EIF3A: variants seen among roughly 807,000 people sequenced by gnomAD.
EIF3A encodes the protein EIF3, p180 subunit.
In EIF3A, 21 loss-of-function variants were observed where a neutral mutation model predicts 186.6. The observed-to-expected ratio is 0.11, with a 90% CI of 0.08 to 0.16. The LOEUF (loss-of-function observed/expected upper bound fraction) is 0.16. Ranked by LOEUF, EIF3A falls within the 10% of genes least tolerant of loss-of-function variation. The pLI, the probability that EIF3A is intolerant of heterozygous loss-of-function variation, is 1.00. For synonymous variants in EIF3A, 563 were observed against 584.3 expected (o/e 0.96, Z 0.52); for missense variants, 1,306 against 1,796.3 (o/e 0.73, Z 4.93).
chr10:119,049,555 T>C (rs1329055599), intron 17 of EIF3A, among the ~76,000 whole-genome samples: 1 of 146,088 alleles, frequency 6.8e-6, no homozygotes, highest in African/African-American at 2.5e-5. Flanking sequence ...TTTACATAGG[T>C]ATCATGGAAG....
At chr10:119,069,680 T>G in intron 5 of EIF3A, 26 bp from the exon 6 acceptor site, 1 of 1,153,336 alleles carries the variant, frequency 8.7e-7, no homozygotes, top group Non-Finnish European at 1.3e-6. Flanking sequence ...TAAATTAAAG[T>G]CATTGCATTC....
rs61729183 is a variant in EIF3A at position 119,037,254 on chromosome 10, A to T, written c.3784T>A (p.Ser1262Thr). 2 of 1,613,838 alleles carry T rather than the reference A, an allele frequency of 1.2e-6. No homozygotes were observed. The highest frequency in any genetic ancestry group is 2.7e-5 in the African/African-American group (2 of 74,840). ...CTATCCCTATCGTCCCGGCGACTTGAGTCTCTCCAGCTTGAAGATTCCTCA... is the reference window on the plus strand; with the variant it reads ...CTATCCCTATCGTCCCGGCGACTTGTGTCTCTCCAGCTTGAAGATTCCTCA... ...PAEESSSWRD[S>T]SRRDDRDRDD... The change falls in exon 21 of 22, where the codon TCA becomes ACA. Residue 1262 changes from serine to threonine, a missense_variant. This residue lies in a region of EIF3A where 331 missense variants were observed against 365.8 expected (regional missense o/e 0.90). Coordinates refer to ENST00000369144, the MANE Select transcript of EIF3A (RefSeq NM_003750.4).
chr10:119,045,117 A>G (rs1245700214), intron 17 of EIF3A, among the ~76,000 whole-genome samples: 1 of 151,802 alleles, frequency 6.6e-6, no homozygotes, highest in Non-Finnish European at 1.5e-5. Context: ...ACTAATTTTT[A>G]TATTTTTAGT....
At chr10:119,044,942 C>CT (rs78342491) in intron 17 of EIF3A, among the ~76,000 whole-genome samples, 1 of 140,566 alleles carries the variant, frequency 7.1e-6, no homozygotes, top group African/African-American at 2.7e-5. Context: ...ATTTTCTTTT[C>CT]TTTTTTTTTT....
rs538333807 is a variant in EIF3A at position 119,049,698 on chromosome 10, G to A, written c.2658+103C>T. The A allele has an allele frequency of 9.2e-6, 9 of 975,176 alleles. No individual in the cohort carries two copies. In the East Asian group the frequency reaches 1.7e-4, roughly 18 times the overall value. 60.4% of individuals were successfully genotyped at this position (975,176 alleles called of 1,614,324 possible). A position where few individuals can be genotyped will look rare whatever the true frequency, so the allele number is the denominator to read the frequency against. The stretch of plus-strand genomic sequence containing the variant: ...ACCCGGGGGCTGAGATTGCACCACT[G>A]TACTCCAGCCTGGGCAACCTGGGCG... On this transcript the variant is annotated intron_variant, in intron 17 of 21. Transcript: ENST00000369144.
intron 6 of EIF3A, among the ~76,000 whole-genome samples, chr10:119,068,343 A>G (rs902683155): frequency 9.9e-5 from 15 of 152,080 alleles, no homozygotes; most frequent in African/African-American, 3.6e-4. Context: ...AATATTCTAC[A>G]CTTAATATTT....
In EIF3A at chr10:119,051,208, A is replaced by T. The variant is rs1848352194; in HGVS notation, c.2310T>A (p.Ser770=). 6.2e-7 allele frequency: 1 copy of T among 1,606,146 alleles called. No individual in the cohort carries two copies. Among genetic ancestry groups the T allele is most frequent in the Non-Finnish European group, 8.5e-7 (1 of 1,178,222 alleles). Residue 770 remains serine (S), a synonymous_variant, in exon 15 of 22, where the codon TCT becomes TCA. Coordinates refer to ENST00000369144, the MANE Select transcript of EIF3A (RefSeq NM_003750.4). ...AAATCAGCAAGCTCACCTCATAAAC[A>T]GACTGCCGTGCAGCTTTGAGTCGCA... The part of the protein sequence containing the change: ...FVMRLKAARQ[S]VYEEKLKQFE...
intron 6 of EIF3A, among the ~76,000 whole-genome samples, chr10:119,068,515 A>G (rs1844015761): frequency 6.6e-6 from 1 of 151,814 alleles, no homozygotes. Flanking sequence ...TCTCTACCAA[A>G]AATACAAAAA....
In EIF3A at chr10:119,058,250, T is replaced by C. The variant is rs200326070; in HGVS notation, c.1683A>G (p.Ser561=). 8.7e-6 allele frequency: 14 copies of C among 1,611,290 alleles called. No individual in the cohort carries two copies. The East Asian group carries it at 2.2e-4, about 26-fold the overall frequency. ...QLAVTAYLKN[S]RKEHQRILAR... ...CCAGGATCCGCTGGTGCTCTTTTCGTGAATTTTTAAGGTATGCAGTGACAG... is the reference window on the plus strand; with the variant it reads ...CCAGGATCCGCTGGTGCTCTTTTCGCGAATTTTTAAGGTATGCAGTGACAG... Residue 561 remains serine (S), a synonymous_variant, in exon 12 of 22, where the codon TCA becomes TCG. Transcript: ENST00000369144.
At chr10:119,044,909 T>G (rs1466062916) in intron 17 of EIF3A, among the ~76,000 whole-genome samples, 2 of 150,678 alleles carry the variant, frequency 1.3e-5, no homozygotes, top group Non-Finnish European at 2.9e-5. Flanking sequence ...AAACAATGCG[T>G]GAATAAGAGA....
intron 8 of EIF3A, 140 bp from the exon 9 acceptor site, chr10:119,060,984 C>T (rs1843876060): frequency 1.5e-6 from 1 of 653,916 alleles, no homozygotes; most frequent in South Asian, 2.2e-5. Context: ...GCTACTGATA[C>T]TTGTTTGAAG....
chr10:119,065,381 C>T lies in EIF3A; in HGVS notation c.1122+18G>A. Reference sequence around the variant, plus strand: ...GTTTTCTGCCCAAAGCTACAAAAATCCTCAAATTAATACTAACCATATCAT... The same window carrying T: ...GTTTTCTGCCCAAAGCTACAAAAATTCTCAAATTAATACTAACCATATCAT... On this transcript the variant is annotated intron_variant, in intron 7 of 21. Transcript: ENST00000369144. 1 of 1,577,648 alleles carries T rather than the reference C, an allele frequency of 6.3e-7. No individual in the cohort carries two copies. The highest frequency in any genetic ancestry group is 1.1e-5 in the South Asian group (1 of 88,718).
chr10:119,038,607 A>G (rs1749473248), intron 19 of EIF3A, among the ~76,000 whole-genome samples, 168 bp from the exon 20 acceptor site: 1 of 152,198 alleles, frequency 6.6e-6, no homozygotes, highest in African/African-American at 2.4e-5. Flanking sequence ...GACATCATTA[A>G]CAGTATCTTA....
At chr10:119,066,629 G>A (rs1254628028) in intron 6 of EIF3A, among the ~76,000 whole-genome samples, 3 of 147,898 alleles carry the variant, frequency 2.0e-5, no homozygotes, top group Non-Finnish European at 4.4e-5. Context: ...GGGGAGACAA[G>A]AACCAGGAGC....
In EIF3A at chr10:119,059,624, G is replaced by A. The variant is rs763315303; in HGVS notation, c.1421C>T (p.Ala474Val). 2 of 1,614,016 alleles carry A rather than the reference G, an allele frequency of 1.2e-6. No individual in the cohort carries two copies. Among genetic ancestry groups the A allele is most frequent in the Admixed American group, 3.3e-5 (2 of 60,012 alleles). The change falls in exon 10 of 22, where the codon GCA becomes GTA. Residue 474 changes from alanine to valine, a missense_variant. Around this residue, in one of 8 missense-constraint regions of EIF3A, gnomAD observed 267 missense variants for 367.8 expected, o/e 0.73. Transcript: ENST00000369144. ...TACCTGCAAGTCGCAATGCCTGGCT[G>A]CATCTACTATGGCCCGTTCCAGTTG... is the stretch of plus-strand genomic sequence containing the variant. ...AFQLERAIVD[A>V]ARHCDLQVRI...
chr10:119,043,917 C>A (rs1166543331), intron 18 of EIF3A, 137 bp downstream of exon 18: 1 of 687,858 alleles, frequency 1.5e-6, no homozygotes, highest in East Asian at 2.7e-5. Context: ...AAAATACAAA[C>A]CCACACGCAA....
Position 119,073,541 on chromosome 10 carries a change from A to G in EIF3A, c.277T>C (p.Tyr93His). The G allele has an allele frequency of 6.2e-7, 1 of 1,612,950 alleles. No individual in the cohort carries two copies. The highest frequency in any genetic ancestry group is 1.1e-5 in the South Asian group (1 of 91,040). The change falls in exon 3 of 22, where the codon TAT (tyrosine) becomes CAT (histidine). Residue 93 changes from tyrosine (Y) to histidine (H), a missense_variant. By Grantham distance (83) the Tyr-to-His change is moderately conservative. This residue lies in a region of EIF3A where 130 missense variants were observed against 259.3 expected (regional missense o/e 0.50). Coordinates refer to ENST00000369144, the MANE Select transcript of EIF3A (RefSeq NM_003750.4). ...IKSLEDVVRA[Y>H]LKMAEEKTEA... ...GTTTTTTCCTCTGCCATTTTCAAAT[A>G]TGCCCTAACAACATCCTCCAGAGAT... is the stretch of plus-strand genomic sequence containing the variant.
chr10:119,046,045 T>C (rs192954308), intron 17 of EIF3A, among the ~76,000 whole-genome samples: 1 of 152,256 alleles, frequency 6.6e-6, no homozygotes, highest in East Asian at 1.9e-4. Context: ...TTAAATTAAG[T>C]AGATTTTTGT....
At chr10:119,065,372 T>C in intron 7 of EIF3A, 27 bp downstream of exon 7, 1 of 1,564,980 alleles carries the variant, frequency 6.4e-7, no homozygotes, top group Admixed American at 1.8e-5. Context: ...TGCCCAAAGC[T>C]ACAAAAATCC....
Sources: gnomAD v4.1 joint callset for allele counts (sites outside exome capture counted in the v4.1 genomes callset) on GRCh38, gnomAD v4.1.1 for gene constraint, gnomAD v4.1.1 regional missense constraint, MANE v1.5 for transcripts, NCBI Gene and HGNC (gene_info 2026-07-23, HGNC 2026-07-21) for gene names.